Variants in CCDC22 observed in about 807,000 individuals in gnomAD.
CCDC22 encodes the protein coiled-coil domain-containing protein 22.
A neutral mutation model predicts 53.1 loss-of-function variants in CCDC22; 4 were observed. That is an observed-to-expected ratio of 0.08 (90% CI 0.04 to 0.17). The LOEUF is 0.17. Among genes scored for constraint, CCDC22 ranks in the 10% least tolerant of loss-of-function variants. The pLI, the probability that CCDC22 is intolerant of heterozygous loss-of-function variation, is 1.00. For missense variants in CCDC22, 458 were observed against 554.0 expected, an observed-to-expected ratio of 0.83 and a Z score of 1.74; for synonymous variants, 222 against 224.4, an observed-to-expected ratio of 0.99 and a Z score of 0.10.
intron 9 of CCDC22, 46 bp downstream of exon 9, chrX:49,247,814 G>A: frequency 8.3e-7 from 1 of 1,199,893 alleles, no homozygotes; most frequent in Non-Finnish European, 1.1e-6. Context: ...GTCAGAAGGA[G>A]GGCCTCGGGG....
chrX:49,238,215 G>A (rs188537681), intron 2 of CCDC22, among the ~76,000 whole-genome samples: 1 of 109,714 alleles, frequency 9.1e-6, no homozygotes, highest in East Asian at 2.8e-4. Context: ...CGAGTAGCTG[G>A]GACTACAGGC....
At chrX:49,244,774 C>T (rs1402472380) in intron 6 of CCDC22, among the ~76,000 whole-genome samples, 4 of 111,492 alleles carry the variant, frequency 3.6e-5, no homozygotes, top group Non-Finnish European at 5.7e-5. Context: ...AGGCTGGTCT[C>T]GAACTCCTGA....
At chrX:49,235,851 A>ACACACACACACG (rs1452325431) in intron 1 of CCDC22, among the ~76,000 whole-genome samples, 165 bp downstream of exon 1, 2,019 of 100,398 alleles carry the variant, frequency 0.02, 25 homozygotes, top group Non-Finnish European at 0.032. Context: ...ACACACACAC[A>ACACACACACACG]CACACACACA....
At position 49,235,597 on chromosome X, in the gene CCDC22, C is replaced by A. The variant is rs1557112491; in HGVS notation, c.-40C>A. 2 of 1,143,823 alleles carry A rather than the reference C, an allele frequency of 1.7e-6. No individual in the cohort carries two copies. The highest frequency in any genetic ancestry group is 2.3e-6 in the Non-Finnish European group (2 of 852,443). The allele number at this position is 1,143,823 out of a possible 1,213,427, so 94.3% of individuals were successfully genotyped here. A position where few individuals can be genotyped will look rare whatever the true frequency, so the allele number is the denominator to read the frequency against. On this transcript the variant is annotated 5_prime_UTR_variant, in exon 1 of 17. Coordinates refer to ENST00000376227, the MANE Select transcript of CCDC22 (RefSeq NM_014008.5). The stretch of plus-strand genomic sequence containing the variant: ...CAGCTGCTCCCCACTTTCTCGGACC[C>A]GGTCCTGGACCCAGCCCCCGACTCC...
chrX:49,242,333 G>T (rs929739237), intron 3 of CCDC22, 185 bp downstream of exon 3: 1 of 748,835 alleles, frequency 1.3e-6, no homozygotes, highest in African/African-American at 2.3e-5. Context: ...GGGGCAGGGG[G>T]CTGAGGTTGA....
At chrX:49,244,991 G>C (rs782683728) in intron 6 of CCDC22, among the ~76,000 whole-genome samples, 14 of 107,841 alleles carry the variant, frequency 1.3e-4, no homozygotes, top group Non-Finnish European at 2.1e-4. Context: ...CCTTCTCTCT[G>C]TCCACCTCTC....
rs185044517 is a variant in CCDC22, at chrX:49,242,824, G to C, written c.362-62G>C. On this transcript the variant is annotated intron_variant, in intron 3 of 16. Coordinates refer to ENST00000376227, the MANE Select transcript of CCDC22 (RefSeq NM_014008.5). ...GTCAGGAGTGGAGGCTGGTCTCCTAGGGTATGCCCTTTTGGATTTGCAGCA... is the reference window on the plus strand; with the variant it reads ...GTCAGGAGTGGAGGCTGGTCTCCTACGGTATGCCCTTTTGGATTTGCAGCA... 565 of 727,109 alleles carry C rather than the reference G, an allele frequency of 7.8e-4. 4 individuals carry two copies. In the African/African-American group the frequency reaches 0.011, roughly 14 times the overall value. The allele number at this position is 727,109 out of a possible 1,213,427, so 59.9% of individuals were successfully genotyped here.
intron 13 of CCDC22, 44 bp downstream of exon 13, chrX:49,248,968 G>A: frequency 1.7e-6 from 2 of 1,187,593 alleles, no homozygotes; most frequent in South Asian, 3.7e-5. Flanking sequence ...TGGGCTGTCA[G>A]GCATAGTGTG....
intron 3 of CCDC22, among the ~76,000 whole-genome samples, chrX:49,242,493 C>T (rs1271357785): frequency 4.5e-5 from 5 of 111,513 alleles, no homozygotes; most frequent in Non-Finnish European, 9.4e-5. Context: ...ACCTTTGTAT[C>T]GTTGGTTACC....
At chrX:49,240,095 A>G (rs929428202) in intron 2 of CCDC22, among the ~76,000 whole-genome samples, 6 of 104,607 alleles carry the variant, frequency 5.7e-5, no homozygotes, top group African/African-American at 2.1e-4. Context: ...TACAAAAAAT[A>G]AAAAAAAAAT....
chrX:49,249,712 A>G lies in CCDC22; in HGVS notation c.1757A>G (p.Asp586Gly). 8.3e-7 allele frequency: 1 copy of G among 1,206,963 alleles called. No homozygotes were observed. The part of the protein sequence containing the change: ...DTGTIMREVR[D>G]LEEQIETELG... ...GGCACCATCATGCGGGAGGTTCGAG[A>G]CCTCGAGGAGCAGGTGAGGCCTGGG... Residue 586 changes from aspartate to glycine, a missense_variant, in exon 16 of 17, where the codon GAC becomes GGC. By Grantham distance (94) the Asp-to-Gly change is moderately conservative. Coordinates refer to ENST00000376227, the MANE Select transcript of CCDC22 (RefSeq NM_014008.5).
intron 13 of CCDC22, 27 bp from the exon 14 acceptor site, chrX:49,249,128 CCCCAGGCAGGGG>C: frequency 8.5e-7 from 1 of 1,170,948 alleles, no homozygotes; most frequent in East Asian, 3.0e-5. Context: ...AGCCAGCCTG[CCCCAGGCAGGGG>C]CTCATGGCTG....
At chrX:49,236,357 G>A (rs1329406830) in intron 1 of CCDC22, among the ~76,000 whole-genome samples, 4 of 109,409 alleles carry the variant, frequency 3.7e-5, no homozygotes, top group African/African-American at 1.3e-4. Flanking sequence ...ACAGCCGTGC[G>A]CCACCTTGCC....
In CCDC22 at chrX:49,238,383, C is replaced by T. The variant is rs181201722; in HGVS notation, c.228+1120C>T. Reference sequence around the variant, plus strand: ...CGTGAGCCACTGCGCCCGGCCGACACGGTCATTCCTATAGGACACTGTGAT... The same window carrying T: ...CGTGAGCCACTGCGCCCGGCCGACATGGTCATTCCTATAGGACACTGTGAT... On this transcript the variant is annotated intron_variant, in intron 2 of 16. Coordinates refer to ENST00000376227, the MANE Select transcript of CCDC22 (RefSeq NM_014008.5). Among the ~76,000 whole-genome samples the T allele has an allele frequency of 1.4e-3, 156 of 111,211 alleles. 1 individual carries two copies. The highest frequency in any genetic ancestry group is 4.8e-3 in the African/African-American group (147 of 30,617).
rs1557114301 is a variant in CCDC22, at chrX:49,246,915, C to T, written c.899C>T (p.Thr300Ile). 4 of 1,192,406 alleles carry T rather than the reference C, an allele frequency of 3.4e-6. No homozygotes were observed. The South Asian group carries it at 7.3e-5, about 22-fold the overall frequency. The change falls in exon 7 of 17, where the codon ACC becomes ATC. Residue 300 changes from threonine to isoleucine, a missense_variant. Thr to Ile is a moderately conservative substitution (Grantham distance 89). Transcript: ENST00000376227. ...GSRFTHSEKF[T>I]FHLEPQAQAT... Reference sequence around the variant, plus strand: ...CGCTTCACGCACTCAGAGAAGTTCACCTTCCATCTGGTGGGTGCGCCTGAG... The same window carrying T: ...CGCTTCACGCACTCAGAGAAGTTCATCTTCCATCTGGTGGGTGCGCCTGAG...
At chrX:49,248,331 G>T in intron 10 of CCDC22, 21 bp downstream of exon 10, 1 of 1,185,036 alleles carries the variant, frequency 8.4e-7, no homozygotes, top group South Asian at 1.8e-5. Flanking sequence ...GGCTGTAGCT[G>T]GGCGGAGAGG....
Position 49,250,151 on chromosome X carries a change from G to A in CCDC22, c.1774G>A (p.Glu592Lys), listed in dbSNP as rs398124266. The change falls in exon 17 of 17, where the codon GAG becomes AAG. Residue 592 changes from glutamate (E) to lysine (K), a missense_variant. This residue lies in a region of CCDC22 where 46 missense variants were observed against 52.3 expected (regional missense o/e 0.88). Transcript: ENST00000376227. The part of the protein sequence containing the change: ...REVRDLEEQI[E>K]TELGKKTLSN... ...GCATGTGTTCACATTGCCTCAGATC[G>A]AGACAGAGCTGGGCAAGAAGACCCT... 1.7e-5 allele frequency: 19 copies of A among 1,136,784 alleles called. No homozygotes were observed. Among genetic ancestry groups the A allele is most frequent in the Non-Finnish European group, 2.1e-5 (18 of 845,608 alleles). The allele number at this position is 1,136,784 out of a possible 1,213,427, so 93.7% of individuals were successfully genotyped here.
At chrX:49,242,459 AC>A in intron 3 of CCDC22, 1 of 255,521 alleles carries the variant, frequency 3.9e-6, no homozygotes, top group Non-Finnish European at 5.4e-6. Flanking sequence ...ACTCAAACAT[AC>A]CCCAGTACAC....
rs1557114990 is a variant in CCDC22, at chrX:49,249,475, C to T, written c.1636-34C>T. On this transcript the variant is annotated intron_variant, in intron 14 of 16. Transcript: ENST00000376227. ...GGCATGGAGATGGTCAAGGGCAGCC[C>T]ACTGATACCTTTGAGGTCCCTGTGT... 7 of 1,184,000 alleles carry T rather than the reference C, an allele frequency of 5.9e-6. No individual in the cohort carries two copies. In the Admixed American group the frequency reaches 1.3e-4, roughly 22 times the overall value.
Sources: gnomAD v4.1 joint callset for allele counts (sites outside exome capture counted in the v4.1 genomes callset) on GRCh38, gnomAD v4.1.1 for gene constraint, gnomAD v4.1.1 regional missense constraint, MANE v1.5 for transcripts, NCBI Gene and HGNC (gene_info 2026-07-23, HGNC 2026-07-21) for gene names.